The following WARS2 variants were observed in gnomAD, a reference collection of about 807,000 sequenced individuals.
The protein encoded by WARS2 is tryptophan--tRNA ligase, mitochondrial.
A neutral mutation model predicts 36.5 loss-of-function variants in WARS2; 28 were observed. That is an observed-to-expected ratio of 0.77 (90% CI 0.57 to 1.05). WARS2 has a LOEUF of 1.05. Among genes scored for constraint, WARS2 ranks in the 50% least tolerant of loss-of-function variants. WARS2 has a pLI of 0.00. For synonymous variants in WARS2, 174 were observed against 178.4 expected (o/e 0.98, Z 0.20); for missense variants, 435 against 456.8 (o/e 0.95, Z 0.44).
At position 119,097,068 on chromosome 1, in the gene WARS2, G is replaced by T. The variant is rs115901748; in HGVS notation, c.91-20461C>A. ...ATGCTCATGTCTGGACCATCAAACA[G>T]TAAAGGACAGTGAGAAATGTATGTA... On this transcript the variant is annotated intron_variant, in intron 1 of 5. Coordinates refer to ENST00000235521, the MANE Select transcript of WARS2 (RefSeq NM_015836.4). 8.5e-3 allele frequency among the ~76,000 whole-genome samples: 1,291 copies of T among 152,266 alleles called. 17 individuals are homozygous for T. The highest frequency in any genetic ancestry group is 0.03 in the African/African-American group (1,231 of 41,540).
intron 1 of WARS2, among the ~76,000 whole-genome samples, chr1:119,105,464 A>G (rs1474129515): frequency 6.6e-6 from 1 of 152,128 alleles, no homozygotes; most frequent in Non-Finnish European, 1.5e-5. Flanking sequence ...CACTGAGGGA[A>G]ACTGTGTGGT....
intron 1 of WARS2, among the ~76,000 whole-genome samples, chr1:119,138,760 T>C (rs1656703269): frequency 6.6e-6 from 1 of 152,166 alleles, no homozygotes; most frequent in African/African-American, 2.4e-5. Flanking sequence ...AAAAAAATAC[T>C]CTCACATTTA....
Position 119,085,991 on chromosome 1 carries a change from C to A in WARS2, c.91-9384G>T, listed in dbSNP as rs1289274264. The A allele has an allele frequency of 2.5e-6, 4 of 1,602,054 alleles. No homozygotes were observed. In the South Asian group the frequency reaches 3.3e-5, roughly 13 times the overall value. On this transcript the variant is annotated intron_variant, in intron 1 of 5. Coordinates refer to ENST00000235521, the MANE Select transcript of WARS2 (RefSeq NM_015836.4). ...CAAACTCAGCGTTCAGGTATCAGTGCCCAGGCAAGGCAGTGTGGCACATAC... is the reference window on the plus strand; with the variant it reads ...CAAACTCAGCGTTCAGGTATCAGTGACCAGGCAAGGCAGTGTGGCACATAC...
At chr1:119,082,053 A>T (rs182829204) in intron 1 of WARS2, among the ~76,000 whole-genome samples, 1 of 152,308 alleles carries the variant, frequency 6.6e-6, no homozygotes, top group Admixed American at 6.5e-5. Context: ...TCAGTATAAG[A>T]GAAAGAAGGT....
chr1:119,137,095 G>A (rs1423381328), intron 1 of WARS2, among the ~76,000 whole-genome samples: 2 of 152,094 alleles, frequency 1.3e-5, no homozygotes, highest in Non-Finnish European at 2.9e-5. Flanking sequence ...CTTGGACTAA[G>A]GAAAGGGACA....
At chr1:119,076,796 T>C (rs1013960797) in intron 1 of WARS2, among the ~76,000 whole-genome samples, 189 bp from the exon 2 acceptor site, 3 of 152,088 alleles carry the variant, frequency 2.0e-5, no homozygotes, top group Non-Finnish European at 2.9e-5. Flanking sequence ...AAAAAAATGA[T>C]ATTAAAAATG....
intron 1 of WARS2, among the ~76,000 whole-genome samples, chr1:119,133,725 G>T (rs1656265321): frequency 6.6e-6 from 1 of 152,024 alleles, no homozygotes; most frequent in South Asian, 2.1e-4. Context: ...TCAGACCAGG[G>T]CCCAAAAATG....
intron 1 of WARS2, among the ~76,000 whole-genome samples, chr1:119,103,543 G>C (rs1018131691): frequency 6.6e-6 from 1 of 151,914 alleles, no homozygotes; most frequent in Non-Finnish European, 1.5e-5. Flanking sequence ...GAATCCTGTG[G>C]TTTAAAGGAG....
rs369838673 is a variant in WARS2 at position 119,032,878 on chromosome 1, C to T, written c.*33G>A. ...TTATCAGAATGCATGGAGTGCAAGG[C>T]ACAAAAGCCTTGCTGTGATTCGTTG... On this transcript the variant is annotated 3_prime_UTR_variant, in exon 6 of 6. Transcript: ENST00000235521. 7.6e-6 allele frequency: 12 copies of T among 1,581,748 alleles called. No homozygotes were observed. Among genetic ancestry groups the T allele is most frequent in the Admixed American group, 7.0e-5 (4 of 57,070 alleles).
intron 1 of WARS2, among the ~76,000 whole-genome samples, chr1:119,098,236 G>C (rs587603721): frequency 6.6e-6 from 1 of 151,936 alleles, no homozygotes; most frequent in Non-Finnish European, 1.5e-5. Context: ...GCAGCAGAGC[G>C]AGACACCGTC....
chr1:119,121,798 C>T (rs1283463717), intron 1 of WARS2, among the ~76,000 whole-genome samples: 1 of 152,080 alleles, frequency 6.6e-6, no homozygotes, highest in Non-Finnish European at 1.5e-5. Context: ...GAGGAAAGGA[C>T]ACCCTATTCA....
chr1:119,051,904 G>A (rs974615802), intron 2 of WARS2, among the ~76,000 whole-genome samples: 8 of 151,082 alleles, frequency 5.3e-5, no homozygotes, highest in Non-Finnish European at 1.2e-4. Context: ...GATTACAGAT[G>A]CATGCAACTA....
At chr1:119,117,027 C>T (rs111856422) in intron 1 of WARS2, among the ~76,000 whole-genome samples, 55 of 152,272 alleles carry the variant, frequency 3.6e-4, no homozygotes, top group African/African-American at 5.1e-4. Flanking sequence ...GGCTTTTAGG[C>T]TAAGGCAAGA....
At chr1:119,033,776 T>C (rs1432411036) in intron 5 of WARS2, among the ~76,000 whole-genome samples, 1 of 152,244 alleles carries the variant, frequency 6.6e-6, no homozygotes, top group African/African-American at 2.4e-5. Flanking sequence ...TGTAACCCAA[T>C]TATAAGTCAA....
In WARS2 at chr1:119,082,671, A is replaced by ATG. The variant is rs1470352318; in HGVS notation, c.91-6065_91-6064insCA. 9 of 153,278 alleles carry ATG rather than the reference A, an allele frequency of 5.9e-5. No individual in the cohort carries two copies. In the Admixed American group the frequency reaches 5.9e-4, roughly 10 times the overall value. 9.5% of individuals were successfully genotyped at this position (153,278 alleles called of 1,614,324 possible). A position where few individuals can be genotyped will look rare whatever the true frequency, so the allele number is the denominator to read the frequency against. On this transcript the variant is annotated intron_variant, in intron 1 of 5. Transcript: ENST00000235521. Reference sequence around the variant, plus strand: ...AACCCCTCTCCCCAACACACTTCTCAGAAGGGGAAAGTGTACCATGGAGAT... The same window carrying ATG: ...AACCCCTCTCCCCAACACACTTCTCATGGAAGGGGAAAGTGTACCATGGAGAT...
chr1:119,084,311 A>G (rs1652450006), intron 1 of WARS2, among the ~76,000 whole-genome samples: 1 of 152,144 alleles, frequency 6.6e-6, no homozygotes, highest in Non-Finnish European at 1.5e-5. Context: ...TAATGGGTAC[A>G]GGGTTTCATT....
intron 1 of WARS2, among the ~76,000 whole-genome samples, chr1:119,135,933 G>A (rs1367237169): frequency 6.6e-6 from 1 of 152,064 alleles, no homozygotes; most frequent in Non-Finnish European, 1.5e-5. Context: ...ACTAAGCCCA[G>A]CTAATTTTTT....
chr1:119,035,186 TTGA>T (rs1469125339), intron 4 of WARS2, among the ~76,000 whole-genome samples: 1 of 152,176 alleles, frequency 6.6e-6, no homozygotes, highest in African/African-American at 2.4e-5. Context: ...TAGAGAAGTC[TTGA>T]TGAGGAAAAT....
intron 4 of WARS2, among the ~76,000 whole-genome samples, chr1:119,036,539 G>A (rs186100928): frequency 1.3e-5 from 2 of 152,178 alleles, no homozygotes; most frequent in Non-Finnish European, 2.9e-5. Context: ...CAACAGAGCA[G>A]ATTAGAAAGC....
Sources: gnomAD v4.1 joint callset for allele counts (sites outside exome capture counted in the v4.1 genomes callset) on GRCh38, gnomAD v4.1.1 for gene constraint, MANE v1.5 for transcripts, NCBI Gene and HGNC (gene_info 2026-07-23, HGNC 2026-07-21) for gene names.